IMMP2L: variants seen among roughly 807,000 people sequenced by gnomAD.
The protein encoded by IMMP2L is inner mitochondrial membrane peptidase subunit 2.
In IMMP2L, 18 loss-of-function variants were observed where a neutral mutation model predicts 19.3. The ratio of observed to expected loss-of-function variants is 0.93; its 90% CI spans 0.64 to 1.38. The LOEUF (loss-of-function observed/expected upper bound fraction) is 1.38, where lower values mean the gene tolerates loss of function less well. IMMP2L is among the 40% of genes most tolerant of loss of function. IMMP2L has a pLI of 0.00. For synonymous variants in IMMP2L, 76 were observed against 73.0 expected, an observed-to-expected ratio of 1.04 and a Z score of -0.21; for missense variants, 233 against 218.2, an observed-to-expected ratio of 1.07 and a Z score of -0.43.
rs76848100 is a variant in IMMP2L at position 111,260,176 on chromosome 7, G to A, written c.239+227062C>T. 1.9e-3 allele frequency among the ~76,000 whole-genome samples: 296 copies of A among 152,274 alleles called. 2 individuals are homozygous for A. The highest frequency in any genetic ancestry group is 6.8e-3 in the African/African-American group (284 of 41,560). On this transcript the variant is annotated intron_variant, in intron 3 of 5. Coordinates refer to ENST00000405709, the MANE Select transcript of IMMP2L (RefSeq NM_032549.4). ...ATTTGTTATCATGATCAAGGATTAC[G>A]TAATGTACAAAATTGTTTGGGCTAG...
chr7:110,884,011 A>G (rs1177645630), intron 5 of IMMP2L, among the ~76,000 whole-genome samples: 1 of 152,072 alleles, frequency 6.6e-6, no homozygotes, highest in Admixed American at 6.5e-5. Context: ...AAATGAAAGA[A>G]TTGCTGCAGG....
chr7:111,243,515 T>TTTA (rs1554409653), intron 3 of IMMP2L, among the ~76,000 whole-genome samples: 12 of 1,338 alleles, frequency 9.0e-3, no homozygotes, highest in African/African-American at 0.011. Context: ...TGTTGCTTTA[T>TTTA]TTTTTTTTTT....
chr7:111,008,996 T>C (rs888085577), intron 3 of IMMP2L, among the ~76,000 whole-genome samples: 5 of 152,150 alleles, frequency 3.3e-5, no homozygotes, highest in Non-Finnish European at 7.4e-5. Context: ...TTGATTGTTT[T>C]CAAATTTAAA....
intron 3 of IMMP2L, among the ~76,000 whole-genome samples, chr7:111,301,942 A>C (rs1227604858): frequency 7.2e-6 from 1 of 139,702 alleles, no homozygotes; most frequent in Non-Finnish European, 1.6e-5. Flanking sequence ...AAAAAAAAAA[A>C]AAAAAAAAAC....
chr7:111,271,405 A>C (rs1030414318), intron 3 of IMMP2L, among the ~76,000 whole-genome samples: 4 of 152,174 alleles, frequency 2.6e-5, no homozygotes, highest in Non-Finnish European at 5.9e-5. Flanking sequence ...TCACAAATTA[A>C]GACTGCTTTT....
chr7:110,968,353 C>T (rs1819778757), intron 3 of IMMP2L, among the ~76,000 whole-genome samples: 2 of 151,876 alleles, frequency 1.3e-5, no homozygotes, highest in African/African-American at 4.8e-5. Flanking sequence ...ATCTGGCAAC[C>T]CTAGTAGCAC....
intron 5 of IMMP2L, among the ~76,000 whole-genome samples, chr7:110,697,132 G>A (rs987384731): frequency 3.3e-5 from 5 of 152,126 alleles, no homozygotes; most frequent in African/African-American, 7.2e-5. Context: ...CCTTTGTGAT[G>A]AGGTACCTAG....
At chr7:110,917,196 A>G (rs1813706164) in intron 4 of IMMP2L, among the ~76,000 whole-genome samples, 1 of 152,202 alleles carries the variant, frequency 6.6e-6, no homozygotes, top group African/African-American at 2.4e-5. Flanking sequence ...GATGGTCACA[A>G]GAAGCTGGAG....
At chr7:111,265,498 G>C (rs539900595) in intron 3 of IMMP2L, among the ~76,000 whole-genome samples, 1 of 152,128 alleles carries the variant, frequency 6.6e-6, no homozygotes, top group Admixed American at 6.6e-5. Flanking sequence ...TATCATCAAG[G>C]ATTGAAGGAT....
chr7:110,829,437 C>T (rs1244014673), intron 5 of IMMP2L, among the ~76,000 whole-genome samples: 1 of 152,150 alleles, frequency 6.6e-6, no homozygotes, highest in Non-Finnish European at 1.5e-5. Context: ...CTGTTAAGTG[C>T]TTCAATCACA....
intron 2 of IMMP2L, among the ~76,000 whole-genome samples, chr7:111,519,591 C>T (rs1162577432): frequency 6.6e-6 from 1 of 152,116 alleles, no homozygotes; most frequent in East Asian, 1.9e-4. Flanking sequence ...TCACTGCCTT[C>T]TTCACTGGGG....
chr7:111,434,014 T>G (rs1335064421), intron 3 of IMMP2L, among the ~76,000 whole-genome samples: 1 of 151,616 alleles, frequency 6.6e-6, no homozygotes, highest in East Asian at 1.9e-4. Flanking sequence ...AGAACAATGT[T>G]GGAGGCATCA....
At chr7:111,028,673 TC>T (rs1300800013) in intron 3 of IMMP2L, among the ~76,000 whole-genome samples, 18 of 152,180 alleles carry the variant, frequency 1.2e-4, no homozygotes, top group Non-Finnish European at 4.4e-5. Context: ...AGAAGTCATT[TC>T]CCTAACAGTT....
At chr7:111,378,935 A>T (rs1467541308) in intron 3 of IMMP2L, among the ~76,000 whole-genome samples, 2 of 151,854 alleles carry the variant, frequency 1.3e-5, no homozygotes, top group Non-Finnish European at 2.9e-5. Context: ...AGAAACAGGT[A>T]TACAATTCCA....
intron 3 of IMMP2L, among the ~76,000 whole-genome samples, chr7:111,201,044 A>T (rs147557643): frequency 0.012 from 1,780 of 152,226 alleles, 40 homozygotes; most frequent in African/African-American, 0.04. Flanking sequence ...ATCAGATCCT[A>T]CTCATACAAT....
intron 3 of IMMP2L, among the ~76,000 whole-genome samples, chr7:111,421,656 C>T (rs1006671079): frequency 6.6e-6 from 1 of 151,640 alleles, no homozygotes; most frequent in Non-Finnish European, 1.5e-5. Context: ...AAAATTTTCT[C>T]CCATTCTGTA....
At chr7:111,295,368 A>T (rs1821516350) in intron 3 of IMMP2L, among the ~76,000 whole-genome samples, 1 of 151,926 alleles carries the variant, frequency 6.6e-6, no homozygotes, top group African/African-American at 2.4e-5. Flanking sequence ...CAAAACACAT[A>T]TGACAAAGCT....
At chr7:111,030,331 C>A (rs1827278895) in intron 3 of IMMP2L, among the ~76,000 whole-genome samples, 1 of 151,996 alleles carries the variant, frequency 6.6e-6, no homozygotes, top group South Asian at 2.1e-4. Context: ...TAAAAAAAAA[C>A]TGTTTTCCTT....
intron 3 of IMMP2L, among the ~76,000 whole-genome samples, chr7:111,310,737 A>T (rs1042144874): frequency 6.6e-6 from 1 of 152,152 alleles, no homozygotes; most frequent in Non-Finnish European, 1.5e-5. Flanking sequence ...AGATGAATGT[A>T]ATGAGCTTCT....
Sources: allele counts gnomAD v4.1 joint callset (sites outside exome capture counted in the v4.1 genomes callset), GRCh38; gene constraint gnomAD v4.1.1; transcripts MANE v1.5; gene names NCBI Gene and HGNC (gene_info 2026-07-23, HGNC 2026-07-21).